The following MACROD2 variants were observed in gnomAD, a reference collection of about 807,000 sequenced individuals.
The protein encoded by MACROD2 is mono-ADP ribosylhydrolase 2.
MACROD2 carries 36 observed loss-of-function variants against 70.4 expected under a neutral mutation model. The observed-to-expected ratio is 0.51, with a 90% CI of 0.39 to 0.68. MACROD2 has a LOEUF of 0.68. Among genes scored for constraint, MACROD2 ranks in the 30% least tolerant of loss-of-function variants. The pLI, the probability that MACROD2 is intolerant of heterozygous loss-of-function variation, is 0.00. For missense variants in MACROD2, 496 were observed against 538.4 expected (o/e 0.92, Z 0.78); for synonymous variants, 172 against 178.8 (o/e 0.96, Z 0.30).
At chr20:14,029,667 A>G (rs990301348) in intron 2 of MACROD2, among the ~76,000 whole-genome samples, 10 of 152,220 alleles carry the variant, frequency 6.6e-5, no homozygotes, top group African/African-American at 2.2e-4. Flanking sequence ...GAAAGTATTC[A>G]GAGAGGTTCT....
intron 4 of MACROD2, among the ~76,000 whole-genome samples, chr20:14,593,717 T>C (rs1981932868): frequency 6.6e-6 from 1 of 152,186 alleles, no homozygotes; most frequent in Non-Finnish European, 1.5e-5. Context: ...TCTACTAATA[T>C]TAACCTTTGT....
intron 6 of MACROD2, among the ~76,000 whole-genome samples, chr20:15,308,282 G>A (rs1395452085): frequency 6.6e-6 from 1 of 151,992 alleles, no homozygotes; most frequent in Non-Finnish European, 1.5e-5. Context: ...TTTCTGTGTT[G>A]CTTATCAAAT....
intron 8 of MACROD2, among the ~76,000 whole-genome samples, chr20:15,783,717 A>G (rs554347779): frequency 1.3e-5 from 2 of 152,320 alleles, no homozygotes; most frequent in East Asian, 1.9e-4. Flanking sequence ...TGGTCACTCA[A>G]GTGATGCCAT....
chr20:16,044,569 A>G lies in MACROD2; in HGVS notation c.1232-2A>G. On this transcript the variant is annotated splice_acceptor_variant, in intron 16 of 17. Coordinates refer to ENST00000684519, the MANE Select transcript of MACROD2 (RefSeq NM_001351661.2). LOFTEE classifies it high-confidence loss of function. The stretch of plus-strand genomic sequence containing the variant: ...TAACTTTTTTTTTTTTTCTGGTGAC[A>G]GTTGAAATGAATAGTCAGGTTGACA... The G allele has an allele frequency of 2.5e-6, 4 of 1,609,110 alleles. No individual in the cohort carries two copies. Among genetic ancestry groups the G allele is most frequent in the Non-Finnish European group, 2.5e-6 (3 of 1,177,952 alleles).
chr20:15,835,438 C>G (rs2064103363), intron 8 of MACROD2, among the ~76,000 whole-genome samples: 1 of 151,894 alleles, frequency 6.6e-6, no homozygotes, highest in South Asian at 2.1e-4. Flanking sequence ...ATAGTAACAG[C>G]TATTGGCATT....
At chr20:14,571,463 A>G (rs1159572177) in intron 4 of MACROD2, among the ~76,000 whole-genome samples, 1 of 152,060 alleles carries the variant, frequency 6.6e-6, no homozygotes, top group Admixed American at 6.6e-5. Flanking sequence ...CCCTGTGTGT[A>G]TATATATCAC....
At chr20:15,090,553 ATAATTT>A (rs545243593) in intron 5 of MACROD2, among the ~76,000 whole-genome samples, 5 of 152,122 alleles carry the variant, frequency 3.3e-5, no homozygotes, top group Non-Finnish European at 7.4e-5. Flanking sequence ...ACCGAGAACT[ATAATTT>A]TAAGAATTAA....
At chr20:15,101,051 C>T (rs779562126) in intron 5 of MACROD2, among the ~76,000 whole-genome samples, 1 of 152,086 alleles carries the variant, frequency 6.6e-6, no homozygotes, top group Non-Finnish European at 1.5e-5. Context: ...GACTAAGATA[C>T]TGCTATTACT....
chr20:14,714,349 C>T (rs1016439072), intron 5 of MACROD2, among the ~76,000 whole-genome samples: 4 of 152,268 alleles, frequency 2.6e-5, no homozygotes, highest in Admixed American at 2.6e-4. Flanking sequence ...CTGCTGCACA[C>T]AGTAGCCCCC....
chr20:15,502,386 C>T (rs541128220), intron 8 of MACROD2, among the ~76,000 whole-genome samples: 28 of 151,994 alleles, frequency 1.8e-4, no homozygotes, highest in Non-Finnish European at 2.6e-4. Flanking sequence ...AGCAGAGAGA[C>T]GAAAGAATGG....
At chr20:15,917,856 GAA>G (rs546538638) in intron 10 of MACROD2, among the ~76,000 whole-genome samples, 3 of 140,160 alleles carry the variant, frequency 2.1e-5, no homozygotes, top group African/African-American at 5.2e-5. Flanking sequence ...GGGAAAAAAG[GAA>G]AAAAAAAAAA....
At chr20:14,268,320 G>A (rs1252950373) in intron 3 of MACROD2, among the ~76,000 whole-genome samples, 1 of 152,034 alleles carries the variant, frequency 6.6e-6, no homozygotes, top group African/African-American at 2.4e-5. Context: ...TGTCAAAAAT[G>A]TTATTTTCCA....
intron 8 of MACROD2, among the ~76,000 whole-genome samples, chr20:15,529,647 A>T (rs977502330): frequency 6.6e-6 from 1 of 152,194 alleles, no homozygotes; most frequent in Admixed American, 6.5e-5. Flanking sequence ...CTCTTAAAGT[A>T]TATCTTTAAA....
chr20:15,170,169 T>A (rs1309290238), intron 5 of MACROD2, among the ~76,000 whole-genome samples: 2 of 152,214 alleles, frequency 1.3e-5, no homozygotes, highest in Non-Finnish European at 2.9e-5. Context: ...TATCTAGTTT[T>A]TCCTAAATTC....
intron 5 of MACROD2, chr20:14,906,039 T>G (rs927850975): frequency 6.6e-6 from 1 of 152,152 alleles, no homozygotes; most frequent in Non-Finnish European, 1.5e-5. Context: ...TCTGGAAGAA[T>G]GCAAGCAGAA....
chr20:14,131,813 TGGTTTAAGAGATTCTCTTAC>T (rs547310644), intron 3 of MACROD2, among the ~76,000 whole-genome samples: 51 of 152,142 alleles, frequency 3.4e-4, no homozygotes, highest in Middle Eastern at 3.4e-3. Context: ...CTGCAGCCTT[TGGTTTAAGAGATTCTCTTAC>T]GGTTTAAGAG....
chr20:14,112,982 G>C (rs1238899726), intron 3 of MACROD2, among the ~76,000 whole-genome samples: 1 of 151,884 alleles, frequency 6.6e-6, no homozygotes. Context: ...CTTTAAAAAG[G>C]ATACTTGATT....
At chr20:15,015,572 C>A (rs2075115113) in intron 5 of MACROD2, among the ~76,000 whole-genome samples, 1 of 151,842 alleles carries the variant, frequency 6.6e-6, no homozygotes, top group Non-Finnish European at 1.5e-5. Context: ...TCCATACACT[C>A]TAATTGTGAA....
chr20:14,147,566 C>T (rs6079319), intron 3 of MACROD2, among the ~76,000 whole-genome samples: 109,455 of 152,090 alleles, frequency 0.72, 39,829 homozygotes, highest in East Asian at 0.81. Flanking sequence ...TACTTGACCT[C>T]AGGTAGTTTA....
Sources: gnomAD v4.1 joint callset for allele counts (sites outside exome capture counted in the v4.1 genomes callset) on GRCh38, gnomAD v4.1.1 for gene constraint, MANE v1.5 for transcripts, NCBI Gene and HGNC (gene_info 2026-07-23, HGNC 2026-07-21) for gene names.